The following STPG2 variants were observed in gnomAD, a reference collection of about 807,000 sequenced individuals.
STPG2 encodes sperm-tail PG-rich repeat-containing protein 2.
In STPG2, 56 loss-of-function variants were observed where a neutral mutation model predicts 54.2. The ratio of observed to expected loss-of-function variants is 1.03; its 90% CI spans 0.83 to 1.29. The LOEUF is 1.29. Ranked by LOEUF, STPG2 falls within the 50% of genes most tolerant of loss-of-function variation. The probability of loss-of-function intolerance (pLI) is 0.00; values close to 1 mark genes in which losing one functional copy is unlikely to be tolerated. For synonymous variants in STPG2, 200 were observed against 181.8 expected (o/e 1.10, Z -0.81); for missense variants, 596 against 544.9 (o/e 1.09, Z -0.93).
chr4:98,078,571 T>TA lies in STPG2; in HGVS notation c.612+27381dup, dbSNP rs1392408478. 9.6e-3 allele frequency among the ~76,000 whole-genome samples: 1,343 copies of TA among 140,598 alleles called. 26 individuals are homozygous for TA. The highest frequency in any genetic ancestry group is 0.03 in the African/African-American group (1,166 of 38,254). 92.2% of individuals were successfully genotyped at this position (140,598 alleles called of 152,430 possible). ...AATGAACAAAGCCTTGCAATAGATT[T>TA]AAAAAAAAAAAAGAAAAGAAAAAGG... On this transcript the variant is annotated intron_variant, in intron 5 of 10. Coordinates refer to ENST00000295268, the MANE Select transcript of STPG2 (RefSeq NM_174952.3).
At chr4:97,957,789 T>C (rs949901963) in intron 7 of STPG2, among the ~76,000 whole-genome samples, 4 of 152,142 alleles carry the variant, frequency 2.6e-5, no homozygotes, top group Admixed American at 6.5e-5. Flanking sequence ...AAAACAACTA[T>C]AAGCCAAAAC....
intron 10 of STPG2, among the ~76,000 whole-genome samples, chr4:97,675,973 C>A (rs1399832929): frequency 2.1e-5 from 3 of 141,968 alleles, no homozygotes; most frequent in Admixed American, 7.2e-5. Flanking sequence ...TATATATAGA[C>A]AATATACTAT....
At chr4:98,142,549 C>T (rs1740328531) in intron 1 of STPG2, among the ~76,000 whole-genome samples, 1 of 149,996 alleles carries the variant, frequency 6.7e-6, no homozygotes, top group Non-Finnish European at 1.5e-5. Flanking sequence ...GAGATGAGGA[C>T]GGTCAGAAAA....
chr4:97,831,817 C>A (rs552868294), intron 9 of STPG2, among the ~76,000 whole-genome samples: 1 of 151,976 alleles, frequency 6.6e-6, no homozygotes, highest in African/African-American at 2.4e-5. Flanking sequence ...AAGTCTAAAC[C>A]AGGAAGAAGT....
intron 5 of STPG2, among the ~76,000 whole-genome samples, chr4:98,085,762 C>T (rs58696666): frequency 0.4 from 60,117 of 151,580 alleles, 12,149 homozygotes; most frequent in Middle Eastern, 0.46. Flanking sequence ...TTATTAGTTC[C>T]GGTAGCTTTT....
At chr4:97,543,852 C>G (rs557303561) in intron 4 of STPG2, among the ~76,000 whole-genome samples, 1 of 152,012 alleles carries the variant, frequency 6.6e-6, no homozygotes, top group Non-Finnish European at 1.5e-5. Context: ...ACTTATTAAA[C>G]TCATAGATGG....
chr4:97,491,084 G>A (rs1730494618), intron 4 of STPG2, among the ~76,000 whole-genome samples: 1 of 151,412 alleles, frequency 6.6e-6, no homozygotes, highest in South Asian at 2.1e-4. Context: ...CTGGTGAGGT[G>A]TTAACCTCAT....
chr4:97,907,123 A>G (rs58124036), intron 8 of STPG2, among the ~76,000 whole-genome samples: 24 of 151,874 alleles, frequency 1.6e-4, no homozygotes, highest in African/African-American at 4.8e-4. Context: ...GAACCCCATT[A>G]TCTCAGCCCA....
chr4:97,782,948 T>G (rs1726695900), intron 9 of STPG2, among the ~76,000 whole-genome samples: 1 of 152,176 alleles, frequency 6.6e-6, no homozygotes, highest in Non-Finnish European at 1.5e-5. Flanking sequence ...ATTAAAGACT[T>G]CAATGTTAGA....
intron 9 of STPG2, among the ~76,000 whole-genome samples, chr4:97,830,679 G>T (rs537330206): frequency 6.6e-6 from 1 of 152,208 alleles, no homozygotes; most frequent in South Asian, 2.1e-4. Context: ...GATGGAGGAA[G>T]ATTTACCAAG....
At chr4:97,798,037 T>C (rs143447054) in intron 9 of STPG2, among the ~76,000 whole-genome samples, 37,135 of 151,938 alleles carry the variant, frequency 0.24, 5,269 homozygotes, top group Middle Eastern at 0.36. Flanking sequence ...GGTGATATCC[T>C]CTTTATCGTT....
intron 5 of STPG2, among the ~76,000 whole-genome samples, chr4:98,001,531 TACAC>T (rs1406967354): frequency 6.6e-6 from 1 of 152,010 alleles, no homozygotes; most frequent in Non-Finnish European, 1.5e-5. Flanking sequence ...TAATGAATAA[TACAC>T]AGACAATTAA....
Position 97,621,841 on chromosome 4 carries a change from C to A in STPG2, c.1321-62724G>T, listed in dbSNP as rs116124552. The stretch of plus-strand genomic sequence containing the variant: ...CACAACAAAAAACGAAAGCTTCAGG[C>A]CAATATCTTTGATGAACATACATGC... On this transcript the variant is annotated intron_variant, in intron 10 of 10. Transcript: ENST00000295268. Among the ~76,000 whole-genome samples, 743 of 152,260 alleles carry A rather than the reference C, an allele frequency of 4.9e-3. 8 individuals are homozygous for A. The highest frequency in any genetic ancestry group is 0.017 in the African/African-American group (712 of 41,558).
chr4:97,583,349 T>G lies in STPG2; in HGVS notation c.1321-24232A>C, dbSNP rs181175158. Among the ~76,000 whole-genome samples the G allele has an allele frequency of 3.8e-3, 582 of 152,086 alleles. 3 individuals are homozygous for G. Among genetic ancestry groups the G allele is most frequent in the African/African-American group, 0.013 (559 of 41,530 alleles). ...CAGTTAACTAGCAGGCCCTTTACAA[T>G]GCTACACTAAAGTAGAGAACTAGTC... On this transcript the variant is annotated intron_variant, in intron 10 of 10. Coordinates refer to ENST00000295268, the MANE Select transcript of STPG2 (RefSeq NM_174952.3).
At chr4:98,020,408 G>C (rs1456450269) in intron 5 of STPG2, among the ~76,000 whole-genome samples, 1 of 146,424 alleles carries the variant, frequency 6.8e-6, no homozygotes, top group Non-Finnish European at 1.5e-5. Flanking sequence ...TGTGCTGCTG[G>C]ATTCGGTTTG....
intron 8 of STPG2, among the ~76,000 whole-genome samples, chr4:97,924,105 C>A (rs1015181327): frequency 2.0e-5 from 3 of 152,170 alleles, no homozygotes; most frequent in Admixed American, 6.5e-5. Flanking sequence ...TAACACTCAC[C>A]GCGAAGGTCT....
intron 7 of STPG2, among the ~76,000 whole-genome samples, chr4:97,961,073 G>T (rs1194568771): frequency 6.8e-6 from 1 of 146,502 alleles, no homozygotes; most frequent in African/African-American, 2.6e-5. Flanking sequence ...CTTCAACAAA[G>T]CAAACAAAAA....
At chr4:97,782,212 C>T (rs956126438) in intron 9 of STPG2, among the ~76,000 whole-genome samples, 1 of 152,190 alleles carries the variant, frequency 6.6e-6, no homozygotes, top group African/African-American at 2.4e-5. Flanking sequence ...TCTCCTTAAG[C>T]TGATAAGCAA....
intron 10 of STPG2, among the ~76,000 whole-genome samples, chr4:97,569,265 C>T (rs777773777): frequency 4.8e-4 from 73 of 152,096 alleles, no homozygotes; most frequent in Non-Finnish European, 7.1e-4. Context: ...TGTCATGGTG[C>T]TCCTGGGAGT....
Sources: allele counts gnomAD v4.1 joint callset (sites outside exome capture counted in the v4.1 genomes callset), GRCh38; gene constraint gnomAD v4.1.1; transcripts MANE v1.5; gene names NCBI Gene and HGNC (gene_info 2026-07-23, HGNC 2026-07-21).